TENM4: variants seen among roughly 807,000 people sequenced by gnomAD.
TENM4 encodes the protein teneurin-4.
A neutral mutation model predicts 243.3 loss-of-function variants in TENM4; 82 were observed. The observed-to-expected ratio is 0.34, with a 90% CI of 0.28 to 0.40. The LOEUF (loss-of-function observed/expected upper bound fraction) is 0.40, where lower values mean the gene tolerates loss of function less well. Ranked by LOEUF, TENM4 falls within the 10% of genes least tolerant of loss-of-function variation. The pLI is 1.00. For missense variants in TENM4, 3,138 were observed against 3,673.3 expected, an observed-to-expected ratio of 0.85 and a Z score of 3.77; for synonymous variants, 1,412 against 1,456.3, an observed-to-expected ratio of 0.97 and a Z score of 0.69.
At chr11:78,933,783 A>C (rs1180295925) in intron 6 of TENM4, among the ~76,000 whole-genome samples, 1 of 152,190 alleles carries the variant, frequency 6.6e-6, no homozygotes, top group African/African-American at 2.4e-5. Context: ...TGTGAGGGTA[A>C]GAATACCTGC....
chr11:79,298,524 A>C (rs1469763691), intron 1 of TENM4, among the ~76,000 whole-genome samples: 12 of 146,186 alleles, frequency 8.2e-5, no homozygotes, highest in African/African-American at 3.1e-4. Context: ...TCCGTCTCAA[A>C]AAAAAAAAAA....
intron 2 of TENM4, among the ~76,000 whole-genome samples, chr11:79,267,872 A>G (rs1036290439): frequency 6.6e-6 from 1 of 152,196 alleles, no homozygotes; most frequent in African/African-American, 2.4e-5. Context: ...AAAATCCCAG[A>G]CACCTGTATC....
intron 15 of TENM4, among the ~76,000 whole-genome samples, chr11:78,788,219 G>A (rs1319434518): frequency 6.6e-6 from 1 of 152,188 alleles, no homozygotes; most frequent in African/African-American, 2.4e-5. Context: ...ACAAAATTAG[G>A]TCTCAGAGGC....
chr11:78,668,164 G>A (rs916116204), intron 32 of TENM4, among the ~76,000 whole-genome samples: 4 of 152,170 alleles, frequency 2.6e-5, no homozygotes, highest in African/African-American at 7.2e-5. Flanking sequence ...GTAGGTGTTA[G>A]TTTCTATTGT....
At chr11:79,311,507 C>T (rs1565294137) in intron 1 of TENM4, among the ~76,000 whole-genome samples, 3 of 152,326 alleles carry the variant, frequency 2.0e-5, no homozygotes, top group South Asian at 2.1e-4. Flanking sequence ...TTGCCTCCAT[C>T]GTACTTTGTG....
chr11:78,988,225 T>C (rs686135), intron 6 of TENM4, among the ~76,000 whole-genome samples: 55,712 of 151,960 alleles, frequency 0.37, 12,007 homozygotes, highest in Middle Eastern at 0.5. Flanking sequence ...GGGGTCCATG[T>C]GTAAGAAACT....
At chr11:78,915,043 C>T (rs576472635) in intron 6 of TENM4, among the ~76,000 whole-genome samples, 2 of 152,336 alleles carry the variant, frequency 1.3e-5, no homozygotes, top group African/African-American at 2.4e-5. Context: ...CCCCACCATC[C>T]GGCATGAGTC....
At chr11:78,673,098 C>T (rs4457784) in intron 30 of TENM4, among the ~76,000 whole-genome samples, 80,012 of 151,854 alleles carry the variant, frequency 0.53, 23,682 homozygotes, top group Non-Finnish European at 0.69. Flanking sequence ...CCTTCAGGAT[C>T]GGGAGTGCCT....
intron 6 of TENM4, among the ~76,000 whole-genome samples, chr11:78,968,696 G>A (rs1003669602): frequency 6.6e-6 from 1 of 152,148 alleles, no homozygotes; most frequent in South Asian, 2.1e-4. Flanking sequence ...TTCTCACTAG[G>A]AAAATTCATC....
At chr11:79,330,912 TG>T (rs771986503) in intron 1 of TENM4, among the ~76,000 whole-genome samples, 9 of 151,948 alleles carry the variant, frequency 5.9e-5, no homozygotes, top group Non-Finnish European at 1.3e-4. Context: ...CAGAGACACG[TG>T]GGGTCATGAG....
chr11:79,342,177 G>A (rs1364823147), intron 1 of TENM4, among the ~76,000 whole-genome samples: 1 of 152,168 alleles, frequency 6.6e-6, no homozygotes, highest in Non-Finnish European at 1.5e-5. Context: ...TACCAGGGGG[G>A]CTGTCCAAGC....
At chr11:78,773,088 C>T (rs900327207) in intron 17 of TENM4, among the ~76,000 whole-genome samples, 10 of 152,198 alleles carry the variant, frequency 6.6e-5, no homozygotes, top group Middle Eastern at 3.2e-3. Context: ...AGTCTCATGT[C>T]AATTTTTGTC....
chr11:79,421,936 C>T (rs896050865), intron 1 of TENM4, among the ~76,000 whole-genome samples: 1 of 152,062 alleles, frequency 6.6e-6, no homozygotes, highest in Non-Finnish European at 1.5e-5. Context: ...GCCCAAGGTG[C>T]AGATACCCCT....
At chr11:79,030,564 C>T (rs1174833519) in intron 6 of TENM4, among the ~76,000 whole-genome samples, 3 of 152,126 alleles carry the variant, frequency 2.0e-5, no homozygotes, top group African/African-American at 7.2e-5. Context: ...GCAGCCTGTC[C>T]TTCTCAGGGT....
chr11:79,275,380 A>G (rs1302373063), intron 2 of TENM4, among the ~76,000 whole-genome samples: 1 of 152,198 alleles, frequency 6.6e-6, no homozygotes, highest in African/African-American at 2.4e-5. Context: ...TAAGTTATTT[A>G]TGTGCAAAAG....
intron 6 of TENM4, among the ~76,000 whole-genome samples, chr11:79,047,455 G>A (rs1208550666): frequency 6.6e-6 from 1 of 152,152 alleles, no homozygotes; most frequent in African/African-American, 2.4e-5. Context: ...GTGCTCTCTG[G>A]GGATGCTCAC....
intron 28 of TENM4, among the ~76,000 whole-genome samples, chr11:78,694,406 G>C (rs947563328): frequency 6.6e-6 from 1 of 152,186 alleles, no homozygotes; most frequent in African/African-American, 2.4e-5. Context: ...AACTGGATCA[G>C]AGCCAGAGCA....
At chr11:79,049,571 GGGCTGGT>G (rs1859745420) in intron 6 of TENM4, among the ~76,000 whole-genome samples, 1 of 152,240 alleles carries the variant, frequency 6.6e-6, no homozygotes, top group Non-Finnish European at 1.5e-5. Flanking sequence ...AGCTGGCCTT[GGGCTGGT>G]GCCTGAGAAC....
At chr11:78,986,518 T>C (rs1002984884) in intron 6 of TENM4, among the ~76,000 whole-genome samples, 3 of 152,168 alleles carry the variant, frequency 2.0e-5, no homozygotes, top group Non-Finnish European at 2.9e-5. Context: ...AGGAGCCAAA[T>C]GGGCAAATTT....
Sources: allele counts gnomAD v4.1 joint callset (sites outside exome capture counted in the v4.1 genomes callset), GRCh38; gene constraint gnomAD v4.1.1; transcripts MANE v1.5; gene names NCBI Gene and HGNC (gene_info 2026-07-23, HGNC 2026-07-21).